ZBTB20: variants seen among roughly 807,000 people sequenced by gnomAD.
The protein encoded by ZBTB20 is zinc finger and BTB domain containing 20, also known as zinc finger and BTB domain-containing protein 20.
ZBTB20 carries 9 observed loss-of-function variants against 56.9 expected under a neutral mutation model. The observed-to-expected ratio is 0.16, with a 90% CI of 0.10 to 0.28. The LOEUF (loss-of-function observed/expected upper bound fraction) is 0.28, where lower values mean the gene tolerates loss of function less well. Ranked by LOEUF, ZBTB20 falls within the 10% of genes least tolerant of loss-of-function variation. The pLI is 1.00. For synonymous variants in ZBTB20, 417 were observed against 420.7 expected, an observed-to-expected ratio of 0.99 and a Z score of 0.11; for missense variants, 655 against 1,003.0, an observed-to-expected ratio of 0.65 and a Z score of 4.69.
At chr3:114,926,866 G>A (rs934641178) in intron 3 of ZBTB20, among the ~76,000 whole-genome samples, 1 of 152,154 alleles carries the variant, frequency 6.6e-6, no homozygotes, top group Non-Finnish European at 1.5e-5. Context: ...ATCCTCCTGA[G>A]TAGCTGGGAC....
At chr3:114,784,803 C>A (rs2070372375) in intron 5 of ZBTB20, among the ~76,000 whole-genome samples, 1 of 152,170 alleles carries the variant, frequency 6.6e-6, no homozygotes, top group Non-Finnish European at 1.5e-5. Flanking sequence ...GAGACTGGAT[C>A]AGATGTGAAC....
At chr3:114,487,196 T>C (rs1239027140) in intron 7 of ZBTB20, among the ~76,000 whole-genome samples, 2 of 152,182 alleles carry the variant, frequency 1.3e-5, no homozygotes, top group African/African-American at 4.8e-5. Context: ...TCTAGGAGCA[T>C]CATTAAGAAA....
At chr3:114,750,454 T>G (rs1428986325) in intron 5 of ZBTB20, among the ~76,000 whole-genome samples, 1 of 152,162 alleles carries the variant, frequency 6.6e-6, no homozygotes, top group Non-Finnish European at 1.5e-5. Flanking sequence ...AGAAAAGCAG[T>G]AAAGCAGAAT....
chr3:114,322,658 A>G lies in ZBTB20; in HGVS notation c.*16347T>C, dbSNP rs2078935030. On this transcript the variant is annotated 3_prime_UTR_variant, in exon 12 of 12. Transcript: ENST00000675478. ...TCAATGTCCTCTTAGTGATTACCCAATACTTATTTCTAAGTACCTGTTAAA... is the reference window on the plus strand; with the variant it reads ...TCAATGTCCTCTTAGTGATTACCCAGTACTTATTTCTAAGTACCTGTTAAA... 1 of 152,198 alleles carries G rather than the reference A, an allele frequency of 6.6e-6. No individual in the cohort carries two copies. Among genetic ancestry groups the G allele is most frequent in the Admixed American group, 6.5e-5 (1 of 15,270 alleles). The allele number at this position is 152,198 out of a possible 1,614,324, so 9.4% of individuals were successfully genotyped here.
rs142980568 is a variant in ZBTB20, at chr3:114,863,838, T to C, written c.-417+36466A>G. ...GCTATAGTATATAAACTTCACTCTA[T>C]AAGAAAACCAAAGAGGCCAAGGGAC... On this transcript the variant is annotated intron_variant, in intron 4 of 11. Coordinates refer to ENST00000675478, the MANE Select transcript of ZBTB20 (RefSeq NM_001348800.3). 2.5e-3 allele frequency among the ~76,000 whole-genome samples: 383 copies of C among 152,120 alleles called. 1 individual carries two copies. Among genetic ancestry groups the C allele is most frequent in the African/African-American group, 8.4e-3 (351 of 41,542 alleles).
At chr3:115,029,777 A>G (rs1283250283) in intron 2 of ZBTB20, among the ~76,000 whole-genome samples, 3 of 150,950 alleles carry the variant, frequency 2.0e-5, no homozygotes, top group Non-Finnish European at 3.0e-5. Context: ...AAACAATAAA[A>G]CCATAAAAGA....
At chr3:114,854,163 G>C (rs969566545) in intron 4 of ZBTB20, among the ~76,000 whole-genome samples, 1 of 152,086 alleles carries the variant, frequency 6.6e-6, no homozygotes, top group East Asian at 1.9e-4. Context: ...TGTAAAACAG[G>C]AATAGCAATA....
intron 10 of ZBTB20, among the ~76,000 whole-genome samples, chr3:114,378,563 T>C (rs2083933569): frequency 6.6e-6 from 1 of 152,260 alleles, no homozygotes; most frequent in African/African-American, 2.4e-5. Flanking sequence ...CCCAATGCTT[T>C]TTCTATTCAC....
At chr3:114,485,155 A>G (rs1488815813) in intron 7 of ZBTB20, among the ~76,000 whole-genome samples, 1 of 152,180 alleles carries the variant, frequency 6.6e-6, no homozygotes, top group Non-Finnish European at 1.5e-5. Context: ...AAAGTGGTAT[A>G]CTGTTCCCAT....
At position 114,781,160 on chromosome 3, in the gene ZBTB20, A is replaced by T. The variant is rs1038717213; in HGVS notation, c.-343+19941T>A. On this transcript the variant is annotated intron_variant, in intron 5 of 11. Coordinates refer to ENST00000675478, the MANE Select transcript of ZBTB20 (RefSeq NM_001348800.3). The stretch of plus-strand genomic sequence containing the variant: ...TAATTTTTTTAATGTAGGCTGTGGA[A>T]TCAGACTCCCTGGGACTGAATTTTG... Among the ~76,000 whole-genome samples, 3 of 152,198 alleles carry T rather than the reference A, an allele frequency of 2.0e-5. No individual in the cohort carries two copies. In the East Asian group the frequency reaches 5.8e-4, roughly 29 times the overall value.
intron 1 of ZBTB20, among the ~76,000 whole-genome samples, chr3:115,114,427 G>A (rs544208164): frequency 6.6e-6 from 1 of 152,132 alleles, no homozygotes; most frequent in South Asian, 2.1e-4. Flanking sequence ...AATATTAATG[G>A]CCAATTATGT....
chr3:114,758,468 T>C (rs538612250), intron 5 of ZBTB20, among the ~76,000 whole-genome samples: 5 of 152,282 alleles, frequency 3.3e-5, no homozygotes, highest in Admixed American at 3.3e-4. Context: ...AGCTTGGTCC[T>C]AATGAAAACA....
At chr3:115,141,469 G>A (rs2084809459) in intron 1 of ZBTB20, among the ~76,000 whole-genome samples, 1 of 152,072 alleles carries the variant, frequency 6.6e-6, no homozygotes, top group Admixed American at 6.6e-5. Flanking sequence ...CTAGTGGGTG[G>A]CCCACTGTGA....
At chr3:114,715,205 A>G (rs2064382323) in intron 5 of ZBTB20, among the ~76,000 whole-genome samples, 1 of 152,228 alleles carries the variant, frequency 6.6e-6, no homozygotes, top group African/African-American at 2.4e-5. Context: ...CGCTCAAAAA[A>G]ACAAAGTCAT....
intron 4 of ZBTB20, among the ~76,000 whole-genome samples, chr3:114,817,192 TACACACACACACACACACAC>T (rs56294507): frequency 6.9e-6 from 1 of 145,714 alleles, no homozygotes; most frequent in Non-Finnish European, 1.5e-5. Flanking sequence ...ATACAACTTA[TACACACACACACACACACAC>T]ACACACACAC....
At chr3:115,087,122 T>C (rs1423970958) in intron 1 of ZBTB20, among the ~76,000 whole-genome samples, 1 of 151,816 alleles carries the variant, frequency 6.6e-6, no homozygotes. Context: ...ATTTCTACCA[T>C]GGTCCTCCTT....
intron 7 of ZBTB20, among the ~76,000 whole-genome samples, chr3:114,436,640 G>A (rs112976125): frequency 3.3e-5 from 5 of 152,080 alleles, no homozygotes; most frequent in African/African-American, 9.7e-5. Context: ...TTATATTTTC[G>A]TAAGAGAGAC....
At chr3:115,147,136 C>T (rs1267594254) in intron 1 of ZBTB20, 83 bp downstream of exon 1, 1 of 146,308 alleles carries the variant, frequency 6.8e-6, no homozygotes, top group African/African-American at 2.5e-5. Flanking sequence ...AGGCGCCTCG[C>T]AGACGCCTCA....
intron 2 of ZBTB20, among the ~76,000 whole-genome samples, chr3:115,070,040 T>C (rs966215427): frequency 6.6e-6 from 1 of 152,130 alleles, no homozygotes; most frequent in Non-Finnish European, 1.5e-5. Context: ...TGATCTGCTA[T>C]ATAAAGTTTC....
Sources: allele counts gnomAD v4.1 joint callset (sites outside exome capture counted in the v4.1 genomes callset), GRCh38; gene constraint gnomAD v4.1.1; transcripts MANE v1.5; gene names NCBI Gene and HGNC (gene_info 2026-07-23, HGNC 2026-07-21).